The following EML6 variants were observed in gnomAD, a reference collection of about 807,000 sequenced individuals.
EML6 encodes the protein echinoderm microtubule-associated protein-like 6.
A neutral mutation model predicts 240.1 loss-of-function variants in EML6; 154 were observed. That is an observed-to-expected ratio of 0.64 (90% CI 0.56 to 0.73). The LOEUF is 0.73. EML6 is among the 30% of genes least tolerant of loss of function. The probability of loss-of-function intolerance (pLI) is 0.00; values close to 1 mark genes in which losing one functional copy is unlikely to be tolerated. For synonymous variants in EML6, 1,148 were observed against 899.0 expected, an observed-to-expected ratio of 1.28 and a Z score of -4.95; for missense variants, 2,964 against 2,474.6, an observed-to-expected ratio of 1.20 and a Z score of -4.20.
intron 7 of EML6, among the ~76,000 whole-genome samples, chr2:54,831,987 A>G (rs1668891371): frequency 6.6e-6 from 1 of 152,166 alleles, no homozygotes; most frequent in African/African-American, 2.4e-5. Context: ...TATTTGTGAC[A>G]TGAGTTTAAT....
At chr2:54,848,356 G>T (rs1486068592) in intron 9 of EML6, among the ~76,000 whole-genome samples, 1 of 152,150 alleles carries the variant, frequency 6.6e-6, no homozygotes, top group Admixed American at 6.5e-5. Context: ...CCATAGCTTT[G>T]ATTGGAGAAT....
intron 2 of EML6, among the ~76,000 whole-genome samples, chr2:54,766,075 C>G (rs764988240): frequency 6.6e-6 from 1 of 152,112 alleles, no homozygotes; most frequent in Non-Finnish European, 1.5e-5. Flanking sequence ...CATCTATCCA[C>G]ATGTATATGT....
Position 54,970,416 on chromosome 2 carries a change from C to T in EML6, c.*321C>T, listed in dbSNP as rs1037163388. On this transcript the variant is annotated 3_prime_UTR_variant, in exon 42 of 42. Transcript: ENST00000356458. Reference sequence around the variant, plus strand: ...TGTAGCCCGCTGACGAATTTTGAAGCCTCGGTTACCCTAACCAATATGTAG... The same window carrying T: ...TGTAGCCCGCTGACGAATTTTGAAGTCTCGGTTACCCTAACCAATATGTAG... The T allele has an allele frequency of 1.5e-5, 5 of 327,482 alleles. No homozygotes were observed. Among genetic ancestry groups the T allele is most frequent in the Non-Finnish European group, 2.8e-5 (5 of 175,772 alleles). 20.3% of individuals were successfully genotyped at this position (327,482 alleles called of 1,614,324 possible).
intron 17 of EML6, among the ~76,000 whole-genome samples, chr2:54,889,000 C>T (rs1476470864): frequency 6.6e-6 from 1 of 152,210 alleles, no homozygotes; most frequent in Middle Eastern, 3.2e-3. Context: ...GAGTTCTTAG[C>T]ACTCCACAGA....
chr2:54,955,465 T>C (rs981632008), intron 32 of EML6, among the ~76,000 whole-genome samples: 1 of 152,216 alleles, frequency 6.6e-6, no homozygotes, highest in Non-Finnish European at 1.5e-5. Context: ...GCCCACACGC[T>C]GTCAGAAAGC....
chr2:54,918,930 T>C (rs1000954455), intron 26 of EML6, among the ~76,000 whole-genome samples: 6 of 152,222 alleles, frequency 3.9e-5, no homozygotes, highest in African/African-American at 1.4e-4. Context: ...CTGTGTAATA[T>C]TTCATCCTAG....
intron 24 of EML6, among the ~76,000 whole-genome samples, chr2:54,907,077 G>T (rs973872167): frequency 6.6e-6 from 1 of 152,136 alleles, no homozygotes. Flanking sequence ...AGGAACATCA[G>T]CTACCCCTGA....
intron 2 of EML6, among the ~76,000 whole-genome samples, chr2:54,790,879 C>T (rs1429237286): frequency 1.2e-4 from 18 of 152,088 alleles, no homozygotes; most frequent in Admixed American, 7.9e-4. Context: ...GCGCCTGCCA[C>T]CGCGCCCAGC....
intron 3 of EML6, among the ~76,000 whole-genome samples, 197 bp downstream of exon 3, chr2:54,813,588 G>C (rs530867758): frequency 6.6e-6 from 1 of 152,202 alleles, no homozygotes; most frequent in South Asian, 2.1e-4. Flanking sequence ...CTTGGTTTTT[G>C]TTCCCCTAGT....
At chr2:54,783,479 AC>A (rs1268755245) in intron 2 of EML6, among the ~76,000 whole-genome samples, 1 of 152,238 alleles carries the variant, frequency 6.6e-6, no homozygotes, top group African/African-American at 2.4e-5. Flanking sequence ...CATATCTGGA[AC>A]AAAGCTGTAG....
intron 19 of EML6, among the ~76,000 whole-genome samples, chr2:54,893,358 A>T (rs1672580353): frequency 1.3e-5 from 2 of 152,178 alleles, no homozygotes; most frequent in African/African-American, 4.8e-5. Context: ...TGCAACAGGG[A>T]AGGGCCTTCT....
In EML6 at chr2:54,961,193, T is replaced by TTTTTTTTTTTTTTTTTTTTTTTTG. The variant is rs1676492712; in HGVS notation, c.4968+869_4968+870insTTTTTTTTTTTTTGTTTTTTTTTT. Among the ~76,000 whole-genome samples the TTTTTTTTTTTTTTTTTTTTTTTTG allele has an allele frequency of 2.6e-5, 3 of 114,958 alleles. 1 individual carries two copies. Among genetic ancestry groups the TTTTTTTTTTTTTTTTTTTTTTTTG allele is most frequent in the South Asian group, 3.1e-4 (1 of 3,204 alleles). The allele number at this position is 114,958 out of a possible 152,430, so 75.4% of individuals were successfully genotyped here. Reference sequence around the variant, plus strand: ...AAGTTATCAGGAAGTAGTTTTTTTTTTTTTTTTTTTGAGACGGAGTCTTGC... The same window carrying TTTTTTTTTTTTTTTTTTTTTTTTG: ...AAGTTATCAGGAAGTAGTTTTTTTTTTTTTTTTTTTTTTTTTTTTTTTTGTTTTTTTTTTGAGACGGAGTCTTGC... On this transcript the variant is annotated intron_variant, in intron 35 of 41. Transcript: ENST00000356458.
At chr2:54,795,176 A>G (rs1025543874) in intron 2 of EML6, among the ~76,000 whole-genome samples, 1 of 152,204 alleles carries the variant, frequency 6.6e-6, no homozygotes, top group African/African-American at 2.4e-5. Context: ...GAGACTGGGT[A>G]ATTTTTAAAG....
At chr2:54,749,866 T>C (rs1344786783) in intron 2 of EML6, among the ~76,000 whole-genome samples, 1 of 152,246 alleles carries the variant, frequency 6.6e-6, no homozygotes, top group South Asian at 2.1e-4. Context: ...GAATCAGGGA[T>C]ATTTTTCAAA....
chr2:54,725,357 T>C lies in EML6; in HGVS notation c.197+99T>C, dbSNP rs1682864847. The C allele has an allele frequency of 3.4e-6, 3 of 883,646 alleles. No homozygotes were observed. Among genetic ancestry groups the C allele is most frequent in the African/African-American group, 1.8e-5 (1 of 56,156 alleles). 54.7% of individuals were successfully genotyped at this position (883,646 alleles called of 1,614,324 possible). ...GGTCGGATCCGGGAGCCCCGTGGAA[T>C]AGAGGATTCTCTCTGGAGCCGCATG... is the stretch of plus-strand genomic sequence containing the variant. On this transcript the variant is annotated intron_variant, in intron 2 of 41. Transcript: ENST00000356458. This position sits in a 1 kb window ranked among gnomAD's most constrained non-coding sequence, Gnocchi z 4.3.
chr2:54,828,313 C>T (rs1668697647), intron 6 of EML6, among the ~76,000 whole-genome samples: 1 of 152,220 alleles, frequency 6.6e-6, no homozygotes, highest in Admixed American at 6.6e-5. Flanking sequence ...ATGGTCTGCT[C>T]AGTAAGAACA....
chr2:54,792,551 G>A (rs1361239014), intron 2 of EML6, among the ~76,000 whole-genome samples: 4 of 152,206 alleles, frequency 2.6e-5, no homozygotes, highest in Admixed American at 2.0e-4. Flanking sequence ...GGGGCACAGG[G>A]GAAATTTGGA....
chr2:54,738,682 G>A (rs528589776), intron 2 of EML6, among the ~76,000 whole-genome samples: 2 of 152,254 alleles, frequency 1.3e-5, no homozygotes, highest in South Asian at 4.1e-4. Flanking sequence ...TTTATGTCTA[G>A]CTCCTTTCAG....
rs1475258237 is a variant in EML6 at position 54,895,350 on chromosome 2, G to T, written c.2932G>T (p.Gly978Ter). ...HGHILVGTKN[G>*]EILEIDKSGP... ...ACATATCCTGGTGGGAACAAAAAAT[G>T]GAGAGATTCTGGAAATTGATAAGAG... Residue 978 changes from glycine (G) to a stop codon, truncating the protein, a stop_gained, in exon 21 of 42, where the codon GGA becomes TGA. Transcript: ENST00000356458. LOFTEE classifies it high-confidence loss of function. 3.2e-6 allele frequency: 5 copies of T among 1,551,874 alleles called. No homozygotes were observed. Among genetic ancestry groups the T allele is most frequent in the Non-Finnish European group, 8.7e-7 (1 of 1,146,982 alleles).
Sources: allele counts gnomAD v4.1 joint callset (sites outside exome capture counted in the v4.1 genomes callset), GRCh38; gene constraint gnomAD v4.1.1; non-coding constraint Gnocchi (gnomAD v3.1); transcripts MANE v1.5; gene names NCBI Gene and HGNC (gene_info 2026-07-23, HGNC 2026-07-21).